The following ZNF565 variants were observed in gnomAD, a reference collection of about 807,000 sequenced individuals.
The protein encoded by ZNF565 is zinc finger protein 565.
ZNF565 carries 27 observed loss-of-function variants against 39.4 expected under a neutral mutation model. The observed-to-expected ratio is 0.69, with a 90% CI of 0.51 to 0.95. The LOEUF (loss-of-function observed/expected upper bound fraction) is 0.95, where lower values mean the gene tolerates loss of function less well. Ranked by LOEUF, ZNF565 falls within the 40% of genes least tolerant of loss-of-function variation. The probability of loss-of-function intolerance (pLI) is 0.00; values close to 1 mark genes in which losing one functional copy is unlikely to be tolerated. For synonymous variants in ZNF565, 185 were observed against 216.6 expected, an observed-to-expected ratio of 0.85 and a Z score of 1.28; for missense variants, 524 against 621.1, an observed-to-expected ratio of 0.84 and a Z score of 1.66.
chr19:36,197,853 A>T (rs570060641), intron 2 of ZNF565, among the ~76,000 whole-genome samples: 1 of 152,266 alleles, frequency 6.6e-6, no homozygotes, highest in Admixed American at 6.5e-5. Context: ...ACCCAAAAGA[A>T]AGGAAATCAG....
chr19:36,209,680 T>C (rs1161055855), intron 1 of ZNF565, among the ~76,000 whole-genome samples: 4 of 151,952 alleles, frequency 2.6e-5, no homozygotes, highest in African/African-American at 9.7e-5. Context: ...GAACCCAAAA[T>C]AAAATACAAA....
intron 1 of ZNF565, among the ~76,000 whole-genome samples, chr19:36,229,285 A>C (rs566471814): frequency 1.3e-5 from 2 of 152,270 alleles, no homozygotes; most frequent in South Asian, 4.1e-4. Flanking sequence ...CTGCCATCGT[A>C]GATCCATGGA....
intron 4 of ZNF565, among the ~76,000 whole-genome samples, chr19:36,187,522 T>C (rs994049541): frequency 4.6e-5 from 7 of 151,918 alleles, no homozygotes; most frequent in African/African-American, 1.4e-4. Context: ...TCACCACGCC[T>C]GGCTAATTTT....
upstream of ZNF565, among the ~76,000 whole-genome samples, chr19:36,217,745 G>A (rs771098950): frequency 1.3e-5 from 2 of 151,998 alleles, no homozygotes; most frequent in Non-Finnish European, 2.9e-5. Flanking sequence ...TTAGCCAGGC[G>A]TGGCGGCACA....
intron 1 of ZNF565, among the ~76,000 whole-genome samples, chr19:36,223,320 G>T (rs1364360147): frequency 6.7e-6 from 1 of 149,822 alleles, no homozygotes; most frequent in Non-Finnish European, 1.5e-5. Context: ...TTTAGCCTGG[G>T]CAACAGAGTG....
chr19:36,210,098 A>T (rs1451307071), intron 1 of ZNF565, among the ~76,000 whole-genome samples: 2 of 151,814 alleles, frequency 1.3e-5, no homozygotes, highest in Non-Finnish European at 2.9e-5. Context: ...CCTTGTCTCT[A>T]CAAAAAATCT....
At position 36,245,465 on chromosome 19, in the gene ZNF565, TAGG is replaced by T; in HGVS notation, c.55+8_55+10del. On this transcript the variant is annotated splice_region_variant and intron_variant, in intron 1 of 4. Transcript: ENST00000355114. The surrounding 1 kb of genome is among the most constrained non-coding windows in gnomAD (Gnocchi z 4.4). ...CATTTCCCGTGGTCCACCGCGCATCTAGGAGGTTACCTGCGTCCAGGCGGTGAC... is the reference window on the plus strand; with the variant it reads ...CATTTCCCGTGGTCCACCGCGCATCTAGGTTACCTGCGTCCAGGCGGTGAC... 1 of 702,272 alleles carries T rather than the reference TAGG, an allele frequency of 1.4e-6. No homozygotes were observed. Among genetic ancestry groups the T allele is most frequent in the Non-Finnish European group, 2.6e-6 (1 of 384,770 alleles). 43.5% of individuals were successfully genotyped at this position (702,272 alleles called of 1,614,324 possible).
intron 1 of ZNF565, among the ~76,000 whole-genome samples, chr19:36,239,686 T>TA (rs1977765311): frequency 6.6e-6 from 1 of 152,296 alleles, no homozygotes. Flanking sequence ...GTGCATTAGA[T>TA]ACCAACACCT....
At chr19:36,239,746 C>G (rs1304977535) in intron 1 of ZNF565, among the ~76,000 whole-genome samples, 1 of 152,172 alleles carries the variant, frequency 6.6e-6, no homozygotes, top group Non-Finnish European at 1.5e-5. Context: ...ACTGCTGTTA[C>G]AGAGAGAGAA....
rs66496075 is a variant in ZNF565, at chr19:36,239,327, CTT to C, written c.55+6147_55+6148del. ...TTAAATATTAAATTTTTGATAATATCTTTTTTTTTTTTTTTCCCATCTTGCTC... is the reference window on the plus strand; with the variant it reads ...TTAAATATTAAATTTTTGATAATATCTTTTTTTTTTTTTCCCATCTTGCTC... On this transcript the variant is annotated intron_variant, in intron 1 of 4. Transcript: ENST00000355114. Among the ~76,000 whole-genome samples the C allele has an allele frequency of 2.8e-3, 397 of 141,904 alleles. 2 individuals carry two copies. Among genetic ancestry groups the C allele is most frequent in the African/African-American group, 8.9e-3 (344 of 38,470 alleles). 93.1% of individuals were successfully genotyped at this position (141,904 alleles called of 152,430 possible). A position where few individuals can be genotyped will look rare whatever the true frequency, so the allele number is the denominator to read the frequency against.
At chr19:36,211,448 C>T (rs1976353149) in intron 1 of ZNF565, among the ~76,000 whole-genome samples, 1 of 117,544 alleles carries the variant, frequency 8.5e-6, no homozygotes, top group Non-Finnish European at 1.8e-5. Flanking sequence ...CCAACTCTCT[C>T]TCACACACAC....
intron 1 of ZNF565, among the ~76,000 whole-genome samples, chr19:36,227,203 A>G (rs1406833671): frequency 2.0e-4 from 31 of 151,964 alleles, no homozygotes. Context: ...AGCCTGGCCA[A>G]TGTGGTGAAA....
At chr19:36,209,227 G>A (rs1293409736) in intron 1 of ZNF565, among the ~76,000 whole-genome samples, 1 of 152,110 alleles carries the variant, frequency 6.6e-6, no homozygotes, top group Non-Finnish European at 1.5e-5. Flanking sequence ...GTGGGAACTG[G>A]GTAGAAAGAA....
intron 1 of ZNF565, among the ~76,000 whole-genome samples, chr19:36,230,695 CA>C (rs1216056710): frequency 6.6e-6 from 1 of 152,116 alleles, no homozygotes; most frequent in Non-Finnish European, 1.5e-5. Context: ...AGAGAGAGGG[CA>C]AAAGGGAATA....
At chr19:36,194,924 C>T in intron 3 of ZNF565, 106 bp downstream of exon 3, 1 of 1,554,166 alleles carries the variant, frequency 6.4e-7, no homozygotes, top group East Asian at 2.2e-5. Flanking sequence ...TCTCCTGTGA[C>T]AGTTTCCTCT....
intron 1 of ZNF565, among the ~76,000 whole-genome samples, chr19:36,223,241 A>AC (rs1421267731): frequency 6.6e-6 from 1 of 150,752 alleles, no homozygotes; most frequent in African/African-American, 2.4e-5. Context: ...ACATGGTGAA[A>AC]CCCCGTCTCT....
chr19:36,199,086 T>A (rs1975864537), intron 2 of ZNF565, among the ~76,000 whole-genome samples: 1 of 151,620 alleles, frequency 6.6e-6, no homozygotes, highest in Non-Finnish European at 1.5e-5. Context: ...ATTAAAAAAA[T>A]TTAAAAACAC....
chr19:36,232,020 T>C (rs1175563441), intron 1 of ZNF565, among the ~76,000 whole-genome samples: 3 of 151,884 alleles, frequency 2.0e-5, no homozygotes, highest in Non-Finnish European at 2.9e-5. Context: ...CTGGCCAACA[T>C]GGTAAAACCC....
chr19:36,195,243 G>A, intron 2 of ZNF565, 87 bp from the exon 3 acceptor site: 20 of 1,518,804 alleles, frequency 1.3e-5, no homozygotes, highest in Non-Finnish European at 1.7e-5. Context: ...AAAGTACAGA[G>A]AATAGTTGAC....
Sources: allele counts gnomAD v4.1 joint callset (sites outside exome capture counted in the v4.1 genomes callset), GRCh38; gene constraint gnomAD v4.1.1; non-coding constraint Gnocchi (gnomAD v3.1); transcripts MANE v1.5; gene names NCBI Gene and HGNC (gene_info 2026-07-23, HGNC 2026-07-21).